The following PCDHGB2 variants were observed in gnomAD, a reference collection of about 807,000 sequenced individuals.
The protein encoded by PCDHGB2 is protocadherin gamma-B2.
PCDHGB2 carries 55 observed loss-of-function variants against 59.3 expected under a neutral mutation model. The ratio of observed to expected loss-of-function variants is 0.93; its 90% CI spans 0.75 to 1.16. The LOEUF (loss-of-function observed/expected upper bound fraction) is 1.16. Among genes scored for constraint, PCDHGB2 ranks in the 50% most tolerant of loss-of-function variants. PCDHGB2 has a pLI of 0.00. For synonymous variants in PCDHGB2, 516 were observed against 512.0 expected, an observed-to-expected ratio of 1.01 and a Z score of -0.11; for missense variants, 1,228 against 1,198.5, an observed-to-expected ratio of 1.02 and a Z score of -0.36.
chr5:141,393,118 G>C (rs1254219994), intron 1 of PCDHGB2: 31 of 1,613,354 alleles, frequency 1.9e-5, no homozygotes, highest in Non-Finnish European at 2.5e-5. Flanking sequence ...AGCCCGCGGT[G>C]TCTGATAAAT....
At chr5:141,399,053 A>G (rs2093744168) in intron 1 of PCDHGB2, 2 of 1,613,630 alleles carry the variant, frequency 1.2e-6, no homozygotes, top group East Asian at 2.2e-5. Context: ...GAAGAGACCA[A>G]GGAATATTCA....
At chr5:141,366,096 C>T (rs763995838) in intron 1 of PCDHGB2, 4 of 1,614,226 alleles carry the variant, frequency 2.5e-6, no homozygotes, top group Non-Finnish European at 3.4e-6. Context: ...TACCTGGTGA[C>T]CAAGGTGGTA....
At chr5:141,441,725 C>T (rs2098268012) in intron 1 of PCDHGB2, 3 of 352,332 alleles carry the variant, frequency 8.5e-6, no homozygotes. Flanking sequence ...AGGCCCGCGA[C>T]CAGGACTAGC....
intron 1 of PCDHGB2, chr5:141,404,970 C>G: frequency 6.2e-7 from 1 of 1,614,058 alleles, no homozygotes; most frequent in East Asian, 2.2e-5. Context: ...GACATCCTGG[C>G]TGACCTGGGC....
At chr5:141,385,173 C>A in intron 1 of PCDHGB2, 1 of 1,614,188 alleles carries the variant, frequency 6.2e-7, no homozygotes. Context: ...ATGAGGTCTC[C>A]CTCACCGCGG....
At position 141,360,729 on chromosome 5, in the gene PCDHGB2, C is replaced by T. The variant is rs767195567; in HGVS notation, c.594C>T (p.His198=). 1.2e-6 allele frequency: 2 copies of T among 1,613,886 alleles called. No individual in the cohort carries two copies. Among genetic ancestry groups the T allele is most frequent in the African/African-American group, 1.3e-5 (1 of 74,936 alleles). The change falls in exon 1 of 4, where the codon CAC becomes CAT. Residue 198 remains histidine, a synonymous_variant. Coordinates refer to ENST00000522605, the MANE Select transcript of PCDHGB2 (RefSeq NM_018923.3). ...GRKYPELILK[H]SLDREEHSLH... is the part of the protein sequence containing the mutation. The stretch of plus-strand genomic sequence containing the variant: ...AATATCCTGAGTTGATTCTAAAACA[C>T]TCTCTGGACAGAGAAGAGCACAGTT...
Position 141,485,778 on chromosome 5 carries a change from G to T in PCDHGB2, c.2422-9029G>T. The T allele has an allele frequency of 6.2e-7, 1 of 1,614,216 alleles. No individual in the cohort carries two copies. Among genetic ancestry groups the T allele is most frequent in the Admixed American group, 1.7e-5 (1 of 60,028 alleles). ...CTGCTCCTGGAGAAGCCTTTGGATC[G>T]AGAGAAGCAATCGGACTACCGCCTG... is the stretch of plus-strand genomic sequence containing the variant. On this transcript the variant is annotated intron_variant, in intron 1 of 3. Coordinates refer to ENST00000522605, the MANE Select transcript of PCDHGB2 (RefSeq NM_018923.3). The surrounding 1 kb of genome is among the most constrained non-coding windows in gnomAD (Gnocchi z 5.7).
chr5:141,421,527 GTCC>G (rs2096581302), intron 1 of PCDHGB2: 1 of 1,614,050 alleles, frequency 6.2e-7, no homozygotes, highest in African/African-American at 1.3e-5. Flanking sequence ...GTGAGACGGT[GTCC>G]TCCTGTTTTT....
chr5:141,371,081 G>T, intron 1 of PCDHGB2: 11 of 1,613,852 alleles, frequency 6.8e-6, no homozygotes, highest in Non-Finnish European at 9.3e-6. Context: ...CCCAGATCAG[G>T]GTAATTGTCG....
Position 141,421,691 on chromosome 5 carries a change from T to A in PCDHGB2, c.2421+59135T>A, listed in dbSNP as rs1175919580. ...GCAATTCCTGGGGCGCGATTTGCTC[T>A]TCCTAATGCTAGGGATCCAGATGTG... On this transcript the variant is annotated intron_variant, in intron 1 of 3. Coordinates refer to ENST00000522605, the MANE Select transcript of PCDHGB2 (RefSeq NM_018923.3). 6.2e-7 allele frequency: 1 copy of A among 1,613,816 alleles called. No individual in the cohort carries two copies. The highest frequency in any genetic ancestry group is 1.3e-5 in the African/African-American group (1 of 74,938).
intron 2 of PCDHGB2, among the ~76,000 whole-genome samples, chr5:141,496,054 G>A (rs180707408): frequency 6.6e-6 from 1 of 150,988 alleles, no homozygotes; most frequent in Admixed American, 6.6e-5. Context: ...TTTTGTGCTT[G>A]TGGGCAAGCC....
intron 1 of PCDHGB2, chr5:141,374,321 C>T (rs763545631): frequency 8.7e-6 from 14 of 1,613,942 alleles, no homozygotes; most frequent in Non-Finnish European, 5.1e-6. Context: ...TCTGAATCCG[C>T]GAAACGGCAG....
chr5:141,395,254 G>T, intron 1 of PCDHGB2: 1 of 1,556,766 alleles, frequency 6.4e-7, no homozygotes, highest in Non-Finnish European at 8.7e-7. Context: ...TTAGTTCTTT[G>T]CTTGCTTTTA....
At chr5:141,365,911 C>T (rs769865478) in intron 1 of PCDHGB2, 33 of 1,614,102 alleles carry the variant, frequency 2.0e-5, no homozygotes, top group African/African-American at 2.7e-5. Context: ...AGTTGAGAGA[C>T]CTACAGTTGT....
In PCDHGB2 at chr5:141,491,081, C is replaced by T; in HGVS notation, c.2422-3726C>T. The T allele has an allele frequency of 6.2e-7, 1 of 1,614,176 alleles. No individual in the cohort carries two copies. The highest frequency in any genetic ancestry group is 8.5e-7 in the Non-Finnish European group (1 of 1,180,010). On this transcript the variant is annotated intron_variant, in intron 1 of 3. Coordinates refer to ENST00000522605, the MANE Select transcript of PCDHGB2 (RefSeq NM_018923.3). The surrounding 1 kb of genome is among the most constrained non-coding windows in gnomAD (Gnocchi z 6.9). Reference sequence around the variant, plus strand: ...TCCTACTCACTGTTGCCACAGTCCACAGCCCCAGGACTGTTCCTCGTGTCT... The same window carrying T: ...TCCTACTCACTGTTGCCACAGTCCATAGCCCCAGGACTGTTCCTCGTGTCT...
intron 1 of PCDHGB2, chr5:141,370,328 G>T: frequency 1.4e-6 from 2 of 1,405,614 alleles, no homozygotes; most frequent in South Asian, 2.9e-5. Flanking sequence ...CCTGCTCGGA[G>T]AACTCTTGGG....
At chr5:141,398,742 G>GAGT (rs2093697710) in intron 1 of PCDHGB2, 1 of 1,613,726 alleles carries the variant, frequency 6.2e-7, no homozygotes, top group Non-Finnish European at 8.5e-7. Flanking sequence ...GGGAACAACA[G>GAGT]AGTTACCATC....
At chr5:141,498,967 GGGAGGGAA>G (rs1395523211) in intron 2 of PCDHGB2, among the ~76,000 whole-genome samples, 34 of 129,670 alleles carry the variant, frequency 2.6e-4, no homozygotes, top group Admixed American at 1.5e-3. Flanking sequence ...GAGGGAGGGA[GGGAGGGAA>G]GGAAGGAAGG....
chr5:141,419,756 G>C (rs1006926516), intron 1 of PCDHGB2: 10 of 1,613,890 alleles, frequency 6.2e-6, no homozygotes, highest in Admixed American at 1.7e-5. Flanking sequence ...GCGTGCTTTG[G>C]GTGACAAGGA....
Sources: gnomAD v4.1 joint callset for allele counts (sites outside exome capture counted in the v4.1 genomes callset) on GRCh38, gnomAD v4.1.1 for gene constraint, Gnocchi (gnomAD v3.1) non-coding constraint, MANE v1.5 for transcripts, NCBI Gene and HGNC (gene_info 2026-07-23, HGNC 2026-07-21) for gene names.